DIPK2B: variants seen among roughly 807,000 people sequenced by gnomAD.
DIPK2B encodes UPF0672 protein CXorf36.
Under a neutral mutation model 22.2 loss-of-function variants are expected in DIPK2B, and 15 were observed. The ratio of observed to expected loss-of-function variants is 0.68; its 90% CI spans 0.45 to 1.04. The LOEUF (loss-of-function observed/expected upper bound fraction) is 1.04. DIPK2B is among the 50% of genes least tolerant of loss of function. DIPK2B has a pLI of 0.00. For synonymous variants in DIPK2B, 163 were observed against 153.2 expected (o/e 1.06, Z -0.47); for missense variants, 345 against 348.3 (o/e 0.99, Z 0.08).
intron 2 of DIPK2B, 188 bp downstream of exon 2, chrX:45,191,563 C>T (rs2047210726): frequency 4.1e-6 from 2 of 488,591 alleles, no homozygotes; most frequent in Non-Finnish European, 3.4e-6. Flanking sequence ...TGGGATGGAA[C>T]CTTATAAGTA....
chrX:45,188,292 A>T (rs986869511), intron 2 of DIPK2B, among the ~76,000 whole-genome samples: 2 of 112,109 alleles, frequency 1.8e-5, no homozygotes, highest in Non-Finnish European at 3.8e-5. Flanking sequence ...CTAACTTAGA[A>T]CACTATTGAG....
rs781020662 is a variant in DIPK2B at position 45,156,321 on chromosome X, C to T, written c.672+1394G>A. ...ACCGCGGAGGGAAGTCCTGGGCCTA[C>T]TGTCGTTGTCTACAGGTGCGGCCAC... On this transcript the variant is annotated intron_variant, in intron 3 of 4. Transcript: ENST00000398000. Among the ~76,000 whole-genome samples the T allele has an allele frequency of 4.5e-5, 5 of 111,237 alleles. No individual in the cohort carries two copies. In the South Asian group the frequency reaches 1.9e-3, roughly 42 times the overall value.
rs2046947009 is a variant in DIPK2B at position 45,148,969 on chromosome X, G to A, written c.*2683C>T. 1 of 111,604 alleles carries A rather than the reference G, an allele frequency of 9.0e-6. No individual in the cohort carries two copies. The highest frequency in any genetic ancestry group is 3.3e-5 in the African/African-American group (1 of 30,718). 9.2% of individuals were successfully genotyped at this position (111,604 alleles called of 1,213,427 possible). ...CCTGTCTGGACTCAGCATCACCAAG[G>A]GTTACATGATAGTCTTGAAGGAATG... is the stretch of plus-strand genomic sequence containing the variant. On this transcript the variant is annotated 3_prime_UTR_variant, in exon 5 of 5. Transcript: ENST00000398000.
chrX:45,191,821 C>A lies in DIPK2B; in HGVS notation c.428G>T (p.Arg143Leu), dbSNP rs144500092. 1,403 of 1,210,636 alleles carry A rather than the reference C, an allele frequency of 1.2e-3. 17 individuals are homozygous for A. The Admixed American group carries it at 0.027, about 23-fold the overall frequency. ...ASAPKTCSIERVLRKTERFQK... is the reference protein window; with the variant it reads ...ASAPKTCSIELVLRKTERFQK... The stretch of plus-strand genomic sequence containing the variant: ...GAACCTCTCTGTTTTCCGCAGGACA[C>A]GCTCAATGCTGCAGGTCTTTGGGGC... The change falls in exon 2 of 5, where the codon CGT (arginine) becomes CTT (leucine). Residue 143 changes from arginine (R) to leucine (L), a missense_variant. By Grantham distance (102) the Arg-to-Leu change is moderately radical. Transcript: ENST00000398000.
chrX:45,186,877 A>G (rs768293944), intron 2 of DIPK2B, among the ~76,000 whole-genome samples: 2 of 112,107 alleles, frequency 1.8e-5, no homozygotes, highest in Non-Finnish European at 3.8e-5. Flanking sequence ...CATCCCTTAC[A>G]TATTTTTGAG....
rs150057518 is a variant in DIPK2B, at chrX:45,165,391, G to T, written c.499-7503C>A. ...AAAACCACTCTAATGAATCTCTCAGGAGGAAATCATAGCTGCTTGAAGGAG... is the reference window on the plus strand; with the variant it reads ...AAAACCACTCTAATGAATCTCTCAGTAGGAAATCATAGCTGCTTGAAGGAG... On this transcript the variant is annotated intron_variant, in intron 2 of 4. Coordinates refer to ENST00000398000, the MANE Select transcript of DIPK2B (RefSeq NM_176819.4). 9.3e-3 allele frequency among the ~76,000 whole-genome samples: 1,040 copies of T among 111,848 alleles called. 15 individuals carry two copies. The highest frequency in any genetic ancestry group is 0.032 in the African/African-American group (983 of 30,770).
At chrX:45,197,127 A>G (rs781409811) in intron 1 of DIPK2B, among the ~76,000 whole-genome samples, 1 of 111,490 alleles carries the variant, frequency 9.0e-6, no homozygotes, top group African/African-American at 3.3e-5. Flanking sequence ...ACCTGGCTGT[A>G]GCATTTCAAC....
intron 2 of DIPK2B, among the ~76,000 whole-genome samples, chrX:45,167,495 C>CAAAAAAA (rs1156692662): frequency 4.1e-5 from 1 of 24,661 alleles, no homozygotes; most frequent in African/African-American, 1.6e-4. Context: ...AAGACTGTCT[C>CAAAAAAA]AAAAAAAAAA....
At chrX:45,168,653 G>A (rs12690091) in intron 2 of DIPK2B, among the ~76,000 whole-genome samples, 18,534 of 111,786 alleles carry the variant, frequency 0.17, 1,374 homozygotes, top group East Asian at 0.43. Context: ...TCCCTGGGGA[G>A]GGTTTTCAGG....
At chrX:45,160,374 A>AT (rs948705073) in intron 2 of DIPK2B, among the ~76,000 whole-genome samples, 24 of 109,947 alleles carry the variant, frequency 2.2e-4, no homozygotes, top group African/African-American at 7.6e-4. Context: ...TGCCTGGCTA[A>AT]TTTTTTTATA....
intron 2 of DIPK2B, among the ~76,000 whole-genome samples, chrX:45,175,619 A>C (rs1268542633): frequency 2.3e-5 from 1 of 43,242 alleles, no homozygotes; most frequent in Non-Finnish European, 3.8e-5. Context: ...ATATATGTGT[A>C]TATATATATA....
chrX:45,170,116 C>T (rs763593714), intron 2 of DIPK2B, among the ~76,000 whole-genome samples: 5 of 109,674 alleles, frequency 4.6e-5, no homozygotes, highest in African/African-American at 1.3e-4. Flanking sequence ...TGGTGGCAGG[C>T]GCCTGTAATC....
intron 2 of DIPK2B, among the ~76,000 whole-genome samples, chrX:45,164,528 G>A (rs775810180): frequency 5.7e-4 from 63 of 111,266 alleles, no homozygotes; most frequent in Non-Finnish European, 1.0e-3. Flanking sequence ...AACAACACAT[G>A]TTCTCACTCA....
chrX:45,155,916 G>A (rs1464300078), intron 3 of DIPK2B, among the ~76,000 whole-genome samples: 1 of 105,923 alleles, frequency 9.4e-6, no homozygotes, highest in Non-Finnish European at 1.9e-5. Flanking sequence ...ACTGCATTGT[G>A]AAGAACCCGT....
At position 45,151,882 on chromosome X, in the gene DIPK2B, G is replaced by A; in HGVS notation, c.1072C>T (p.Leu358=). The A allele has an allele frequency of 8.3e-7, 1 of 1,210,694 alleles. No individual in the cohort carries two copies. Among genetic ancestry groups the A allele is most frequent in the South Asian group, 1.8e-5 (1 of 56,725 alleles). Residue 358 remains leucine (L), a synonymous_variant, in exon 5 of 5, where the codon CTG becomes TTG. Transcript: ENST00000398000. ...AGCAACTTCTGACACACCAGCACCA[G>A]GCTCTGCTTCTCAGAGATGCTTTCG... is the stretch of plus-strand genomic sequence containing the variant. ...SCESISEKQS[L]VLVCQKLLPR...
chrX:45,159,343 A>G (rs1233927017), intron 2 of DIPK2B, among the ~76,000 whole-genome samples: 1 of 111,880 alleles, frequency 8.9e-6, no homozygotes, highest in African/African-American at 3.3e-5. Context: ...CTTCACAAGA[A>G]CTTATTATTG....
intron 4 of DIPK2B, 118 bp downstream of exon 4, chrX:45,153,792 C>T: frequency 1.8e-6 from 1 of 567,180 alleles, no homozygotes; most frequent in Non-Finnish European, 2.8e-6. Flanking sequence ...GAGTGGCTCT[C>T]ACTATGACAT....
chrX:45,149,029 A>G lies in DIPK2B; in HGVS notation c.*2623T>C, dbSNP rs752810949. ...ATTTCAGGCGACTGGTCTGGAGGAG[A>G]GAAGGGGGCAAGTGCTTACCTTGAA... On this transcript the variant is annotated 3_prime_UTR_variant, in exon 5 of 5. Transcript: ENST00000398000. 1 of 111,784 alleles carries G rather than the reference A, an allele frequency of 8.9e-6. No homozygotes were observed. The highest frequency in any genetic ancestry group is 9.5e-5 in the Admixed American group (1 of 10,528). 9.2% of individuals were successfully genotyped at this position (111,784 alleles called of 1,213,427 possible). A position where few individuals can be genotyped will look rare whatever the true frequency, so the allele number is the denominator to read the frequency against.
chrX:45,172,330 C>T (rs1354347664), intron 2 of DIPK2B, among the ~76,000 whole-genome samples: 1 of 111,789 alleles, frequency 8.9e-6, no homozygotes, highest in Non-Finnish European at 1.9e-5. Flanking sequence ...ACCATCTTAG[C>T]TGAATACCAC....
Sources: allele counts gnomAD v4.1 joint callset (sites outside exome capture counted in the v4.1 genomes callset), GRCh38; gene constraint gnomAD v4.1.1; transcripts MANE v1.5; gene names NCBI Gene and HGNC (gene_info 2026-07-23, HGNC 2026-07-21).